Variants in TONSL observed in about 807,000 individuals in gnomAD.
TONSL encodes the protein tonsoku like, DNA repair protein.
In TONSL, 112 loss-of-function variants were observed where a neutral mutation model predicts 147.1. The ratio of observed to expected loss-of-function variants is 0.76; its 90% CI spans 0.65 to 0.89. The LOEUF is 0.89. Ranked by LOEUF, TONSL falls within the 40% of genes least tolerant of loss-of-function variation. TONSL has a pLI of 0.00. For synonymous variants in TONSL, 868 were observed against 801.5 expected (o/e 1.08, Z -1.40); for missense variants, 1,883 against 1,864.6 (o/e 1.01, Z -0.18).
rs1030794050 is a variant in TONSL, at chr8:144,434,186, G to A, written c.3179C>T (p.Thr1060Ile). Residue 1060 changes from threonine to isoleucine, a missense_variant, in exon 21 of 26, where the codon ACA (threonine) becomes ATA (isoleucine). Transcript: ENST00000409379. ...CAGCTTGAGGGCCCGCAGCAGGGGT[G>A]TAAGCTGGGCCTGGTCCAGGGCCAG... ...CSLALDQAQLTPLLRALKLHT... is the reference protein window; with the variant it reads ...CSLALDQAQLIPLLRALKLHT... The A allele has an allele frequency of 6.2e-6, 10 of 1,600,302 alleles. No individual in the cohort carries two copies. The highest frequency in any genetic ancestry group is 8.5e-6 in the Non-Finnish European group (10 of 1,171,842).
Position 144,429,279 on chromosome 8 carries a change from A to T in TONSL, c.4001T>A (p.Leu1334His). Residue 1334 changes from leucine to histidine, a missense_variant, in exon 26 of 26, where the codon CTC (leucine) becomes CAC (histidine). Leu to His is a moderately conservative substitution (Grantham distance 99). Transcript: ENST00000409379. ...LGLWDKIAAQLRELQLCSRRL... is the reference protein window; with the variant it reads ...LGLWDKIAAQHRELQLCSRRL... ...TCTGCTGCACAGCTGCAGTTCCCGG[A>T]GCTGCGCGGCTATCTTGTCCCACAG... The T allele has an allele frequency of 6.6e-7, 1 of 1,515,758 alleles. No homozygotes were observed. Among genetic ancestry groups the T allele is most frequent in the East Asian group, 2.6e-5 (1 of 39,212 alleles). The allele number at this position is 1,515,758 out of a possible 1,614,324, so 93.9% of individuals were successfully genotyped here.
intron 24 of TONSL, 134 bp from the exon 25 acceptor site, chr8:144,430,671 C>T (rs1191832116): frequency 8.8e-7 from 1 of 1,131,802 alleles, no homozygotes; most frequent in African/African-American, 1.6e-5. Flanking sequence ...CAGCCTGGCC[C>T]AGTAGCAGGT....
At chr8:144,431,021 G>A in intron 24 of TONSL, 57 bp downstream of exon 24, 2 of 1,594,364 alleles carry the variant, frequency 1.3e-6, no homozygotes, top group East Asian at 2.2e-5. Context: ...CTCCCATAGG[G>A]TCCAGAGCCA....
chr8:144,431,669 C>T (rs1208132474), intron 23 of TONSL, among the ~76,000 whole-genome samples: 3 of 151,832 alleles, frequency 2.0e-5, no homozygotes, highest in Non-Finnish European at 2.9e-5. Context: ...CCCGTCACCA[C>T]GCCCGGCTAA....
chr8:144,436,291 G>A lies in TONSL; in HGVS notation c.2142C>T (p.Ala714=). ...NSTRLPEASQ[A]HVRVSPGQAA... ...CCTGCCCTGGGGAGACCCTGACATG[G>A]GCCTGAGAGGCCTCTGGGAGTCTAG... The change falls in exon 17 of 26, where the codon GCC becomes GCT. Residue 714 remains alanine (A), a synonymous_variant. Coordinates refer to ENST00000409379, the MANE Select transcript of TONSL (RefSeq NM_013432.5). The A allele has an allele frequency of 6.6e-7, 1 of 1,507,270 alleles. No individual in the cohort carries two copies. Among genetic ancestry groups the A allele is most frequent in the Non-Finnish European group, 8.8e-7 (1 of 1,134,188 alleles). 93.4% of individuals were successfully genotyped at this position (1,507,270 alleles called of 1,614,324 possible). A position where few individuals can be genotyped will look rare whatever the true frequency, so the allele number is the denominator to read the frequency against.
Position 144,442,028 on chromosome 8 carries a change from C to G in TONSL, c.865+9G>C. On this transcript the variant is annotated intron_variant, in intron 7 of 25. Transcript: ENST00000409379. ...CCTCCCAGGGCCCCATTCGCACCCC[C>G]AGGCTCACCATGCTGGAGGTTCTGA... 1 of 1,611,988 alleles carries G rather than the reference C, an allele frequency of 6.2e-7. No individual in the cohort carries two copies. Among genetic ancestry groups the G allele is most frequent in the Non-Finnish European group, 8.5e-7 (1 of 1,179,518 alleles).
At chr8:144,440,506 G>A in intron 9 of TONSL, 30 bp from the exon 10 acceptor site, 4 of 1,567,560 alleles carry the variant, frequency 2.6e-6, no homozygotes, top group Non-Finnish European at 3.5e-6. Flanking sequence ...AGGGTCGGGG[G>A]CTGCCGCTGT....
At position 144,442,682 on chromosome 8, in the gene TONSL, A is replaced by G. The variant is rs1823765228; in HGVS notation, c.573T>C (p.Leu191=). 6.2e-7 allele frequency: 1 copy of G among 1,612,598 alleles called. No individual in the cohort carries two copies. Among genetic ancestry groups the G allele is most frequent in the South Asian group, 1.1e-5 (1 of 91,050 alleles). ...GGGGCGGGGCAGGGCCTTACTCCGC[A>G]AGGAAGATGCTCTTCCTGAAGTAAT... is the stretch of plus-strand genomic sequence containing the variant. ...CNDYFRKSIF[L]AEQNHLYEDL... Residue 191 remains leucine (L), a synonymous_variant, in exon 5 of 26, where the codon CTT becomes CTC. Coordinates refer to ENST00000409379, the MANE Select transcript of TONSL (RefSeq NM_013432.5).
intron 22 of TONSL, chr8:144,433,246 A>C: frequency 2.1e-5 from 4 of 191,924 alleles, no homozygotes; most frequent in East Asian, 1.6e-4. Context: ...ACGCCCAGCT[A>C]ATTGTATTTT....
chr8:144,432,165 C>CTCTGTAGAGCCCCTCAGCGAGT, intron 23 of TONSL, 120 bp downstream of exon 23: 1 of 1,134,666 alleles, frequency 8.8e-7, no homozygotes, highest in Non-Finnish European at 1.3e-6. Context: ...CTCTAACTCT[C>CTCTGTAGAGCCCCTCAGCGAGT]TCTGTAGAGC....
chr8:144,436,798 G>T lies in TONSL; in HGVS notation c.1849C>A (p.Leu617Met). The change falls in exon 15 of 26, where the codon CTG (leucine) becomes ATG (methionine). Residue 617 changes from leucine to methionine, a missense_variant. By Grantham distance (15) the Leu-to-Met change is conservative (BLOSUM62 2). Transcript: ENST00000409379. ...NCGHFEVAEL[L>M]LERGASVTLR... ...GTGACGGACGCCCCCCGTTCAAGCA[G>T]CAGCTCAGCCACCTCGAAGTGGCCA... is the stretch of plus-strand genomic sequence containing the variant. 6.2e-7 allele frequency: 1 copy of T among 1,611,570 alleles called. No individual in the cohort carries two copies.
chr8:144,440,153 G>GA lies in TONSL; in HGVS notation c.1347_1348insT (p.Pro450SerfsTer2). 3 of 1,611,052 alleles carry GA rather than the reference G, an allele frequency of 1.9e-6. No homozygotes were observed. Among genetic ancestry groups the GA allele is most frequent in the Non-Finnish European group, 2.5e-6 (3 of 1,179,376 alleles). ...TCCCGTAGTCTGGTTTCGGTCTCAG[G>GA]GGCCTCCTGGGGCTGCAGCCTCAGC... On this transcript the variant is annotated frameshift_variant, in exon 11 of 26. Coordinates refer to ENST00000409379, the MANE Select transcript of TONSL (RefSeq NM_013432.5). LOFTEE classifies it high-confidence loss of function.
Position 144,436,696 on chromosome 8 carries a change from T to C in TONSL, c.1891-15A>G. The stretch of plus-strand genomic sequence containing the variant: ...GGGCTGAGGCCCTGTGTGGCATCAG[T>C]TGAGCAGGGGCACAGCAGCCCCCAT... On this transcript the variant is annotated splice_polypyrimidine_tract_variant and intron_variant, in intron 15 of 25. Coordinates refer to ENST00000409379, the MANE Select transcript of TONSL (RefSeq NM_013432.5). 1 of 1,611,844 alleles carries C rather than the reference T, an allele frequency of 6.2e-7. No homozygotes were observed.
chr8:144,442,616 C>T, intron 5 of TONSL, 61 bp downstream of exon 5: 1 of 1,579,324 alleles, frequency 6.3e-7, no homozygotes, highest in Non-Finnish European at 8.6e-7. Flanking sequence ...AAATACTCCC[C>T]TAACTACTTC....
rs368323898 is a variant in TONSL at position 144,436,151 on chromosome 8, C to T, written c.2282G>A (p.Arg761Gln). The change falls in exon 17 of 26, where the codon CGG becomes CAG. Residue 761 changes from arginine (R) to glutamine (Q), a missense_variant. Physicochemically the swap from Arg to Gln is conservative, Grantham distance 43 (BLOSUM62 1). Coordinates refer to ENST00000409379, the MANE Select transcript of TONSL (RefSeq NM_013432.5). ...GPARPSQKRP[R>Q]CSATAQRVAA... ...CACCCGTTGTGCTGTGGCCGAGCAC[C>T]GAGGCCTCTTCTGGGACGGCCGTGC... 13 of 1,569,832 alleles carry T rather than the reference C, an allele frequency of 8.3e-6. No individual in the cohort carries two copies. The highest frequency in any genetic ancestry group is 1.8e-5 in the Admixed American group (1 of 55,042).
In TONSL at chr8:144,442,348, C is replaced by T. The variant is rs529698271; in HGVS notation, c.643G>A (p.Ala215Thr). 6.0e-5 allele frequency: 96 copies of T among 1,591,502 alleles called. No homozygotes were observed. The highest frequency in any genetic ancestry group is 1.6e-4 in the South Asian group (14 of 90,252). ...RYNLGTIHWR[A>T]GQHSQAMRCL... is the part of the protein sequence containing the mutation. Reference sequence around the variant, plus strand: ...CGCATAGCCTGGGAGTGCTGGCCCGCGCGCCAGTGGATGGTGCCCAGGTTG... The same window carrying T: ...CGCATAGCCTGGGAGTGCTGGCCCGTGCGCCAGTGGATGGTGCCCAGGTTG... Residue 215 changes from alanine to threonine, a missense_variant, in exon 6 of 26, where the codon GCG (alanine) becomes ACG (threonine). By Grantham distance (58) the Ala-to-Thr change is moderately conservative. Coordinates refer to ENST00000409379, the MANE Select transcript of TONSL (RefSeq NM_013432.5).
In TONSL at chr8:144,433,688, C is replaced by T; in HGVS notation, c.3459G>A (p.Leu1153=). 1 of 1,612,202 alleles carries T rather than the reference C, an allele frequency of 6.2e-7. No individual in the cohort carries two copies. Among genetic ancestry groups the T allele is most frequent in the African/African-American group, 1.3e-5 (1 of 75,016 alleles). Reference sequence around the variant, plus strand: ...GGGTGCTGAGTAAGGGGCAGGCGTGCAGGAGGGAGGCCAGGGACTGGCCAC... The same window carrying T: ...GGGTGCTGAGTAAGGGGCAGGCGTGTAGGAGGGAGGCCAGGGACTGGCCAC... ...DGCGQSLASL[L]HACPLLSTLR... is the part of the protein sequence containing the mutation. Residue 1153 remains leucine, a synonymous_variant, in exon 22 of 26, where the codon CTG becomes CTA. Transcript: ENST00000409379.
At chr8:144,442,629 C>G (rs779674712) in intron 5 of TONSL, 48 bp downstream of exon 5, 8 of 1,590,530 alleles carry the variant, frequency 5.0e-6, no homozygotes, top group Middle Eastern at 1.7e-4. Flanking sequence ...ACTACTTCCT[C>G]CAGGAACAAG....
In TONSL at chr8:144,434,207, G is replaced by A; in HGVS notation, c.3158C>T (p.Ala1053Val). The A allele has an allele frequency of 6.3e-7, 1 of 1,577,754 alleles. No homozygotes were observed. The highest frequency in any genetic ancestry group is 8.6e-7 in the Non-Finnish European group (1 of 1,158,862). ...GGGTGTAAGCTGGGCCTGGTCCAGG[G>A]CCAGGGAGCAGGCGCTGAACGAGAG... ...LGLSFSACSL[A>V]LDQAQLTPLL... The change falls in exon 21 of 26, where the codon GCC (alanine) becomes GTC (valine). Residue 1053 changes from alanine to valine, a missense_variant. Transcript: ENST00000409379.
Sources: gnomAD v4.1 joint callset for allele counts (sites outside exome capture counted in the v4.1 genomes callset) on GRCh38, gnomAD v4.1.1 for gene constraint, MANE v1.5 for transcripts, NCBI Gene and HGNC (gene_info 2026-07-23, HGNC 2026-07-21) for gene names.